Variants in ADGRB3 observed in about 807,000 individuals in gnomAD.
ADGRB3 encodes adhesion G protein-coupled receptor B3.
Under a neutral mutation model 193.4 loss-of-function variants are expected in ADGRB3, and 37 were observed. That is an observed-to-expected ratio of 0.19 (90% confidence interval 0.15 to 0.25). The LOEUF (loss-of-function observed/expected upper bound fraction) is 0.25. ADGRB3 is among the 10% of genes least tolerant of loss of function. The probability of loss-of-function intolerance (pLI) is 1.00; values close to 1 mark genes in which losing one functional copy is unlikely to be tolerated. For missense variants in ADGRB3, 1,637 were observed against 1,852.9 expected (o/e 0.88, Z 2.14); for synonymous variants, 690 against 644.2 (o/e 1.07, Z -1.08).
At chr6:68,989,854 T>A (rs1379910021) in intron 10 of ADGRB3, among the ~76,000 whole-genome samples, 1 of 152,124 alleles carries the variant, frequency 6.6e-6, no homozygotes, top group East Asian at 1.9e-4. Context: ...CCTCTGATAT[T>A]GATTTTGAAG....
intron 17 of ADGRB3, among the ~76,000 whole-genome samples, chr6:69,185,494 G>A (rs1219627833): frequency 1.3e-5 from 2 of 152,056 alleles, no homozygotes; most frequent in East Asian, 1.9e-4. Context: ...ATGGCGTATT[G>A]GTACAAGTAT....
intron 20 of ADGRB3, among the ~76,000 whole-genome samples, chr6:69,322,406 T>A (rs1303209865): frequency 6.6e-6 from 1 of 151,896 alleles, no homozygotes; most frequent in Admixed American, 6.6e-5. Flanking sequence ...ATTTCTGTCT[T>A]TAGGTCTCTG....
At chr6:68,748,291 T>C (rs1766124889) in intron 3 of ADGRB3, among the ~76,000 whole-genome samples, 1 of 152,168 alleles carries the variant, frequency 6.6e-6, no homozygotes, top group Non-Finnish European at 1.5e-5. Flanking sequence ...CAAAGTCTCA[T>C]CTGAGACAAG....
intron 10 of ADGRB3, among the ~76,000 whole-genome samples, chr6:68,987,847 G>A (rs1440098607): frequency 1.3e-5 from 2 of 152,044 alleles, no homozygotes; most frequent in African/African-American, 4.8e-5. Flanking sequence ...ATAAATGATT[G>A]TTGTTATTAT....
chr6:69,306,481 T>C (rs1362270846), intron 20 of ADGRB3, among the ~76,000 whole-genome samples: 2 of 151,314 alleles, frequency 1.3e-5, no homozygotes, highest in Non-Finnish European at 2.9e-5. Context: ...CAATAACACA[T>C]AGAGAAATAA....
At chr6:69,269,379 T>TAA (rs945578015) in intron 20 of ADGRB3, among the ~76,000 whole-genome samples, 1 of 151,610 alleles carries the variant, frequency 6.6e-6, no homozygotes, top group Non-Finnish European at 1.5e-5. Flanking sequence ...GTGTCCAATG[T>TAA]AAAAAAAAAT....
Position 69,304,946 on chromosome 6 carries a change from A to C in ADGRB3, c.2815-19926A>C, listed in dbSNP as rs796779621. On this transcript the variant is annotated intron_variant, in intron 20 of 31. Transcript: ENST00000370598. ...TTTTCAAACATTTAGGATGAAGTTT[A>C]GAGTCATATAAGAATATGGACTAAG... 5.9e-5 allele frequency among the ~76,000 whole-genome samples: 9 copies of C among 151,742 alleles called. 1 individual carries two copies. The highest frequency in any genetic ancestry group is 2.2e-4 in the African/African-American group (9 of 41,256).
At chr6:69,079,761 A>G (rs1469816366) in intron 17 of ADGRB3, among the ~76,000 whole-genome samples, 1 of 152,038 alleles carries the variant, frequency 6.6e-6, no homozygotes, top group Non-Finnish European at 1.5e-5. Flanking sequence ...TGGAAAACCT[A>G]TAATCCCTCC....
At chr6:69,102,157 G>A (rs1337486485) in intron 17 of ADGRB3, among the ~76,000 whole-genome samples, 2 of 132,040 alleles carry the variant, frequency 1.5e-5, no homozygotes, top group Admixed American at 8.8e-5. Context: ...CAGCCTGGGC[G>A]ACAGAGCGAG....
At chr6:68,637,339 G>A (rs539830605) in intron 1 of ADGRB3, 52 bp from the exon 2 acceptor site, 4 of 152,714 alleles carry the variant, frequency 2.6e-5, no homozygotes, top group African/African-American at 9.6e-5. Context: ...CCAGGCAAAG[G>A]CATGAAAACT....
chr6:69,230,354 T>C (rs1408255663), intron 17 of ADGRB3, among the ~76,000 whole-genome samples: 6 of 152,154 alleles, frequency 3.9e-5, no homozygotes, highest in African/African-American at 7.2e-5. Context: ...AACTGTGACA[T>C]TGGAAGAATA....
chr6:68,794,967 T>C (rs902965221), intron 3 of ADGRB3, among the ~76,000 whole-genome samples: 6 of 152,118 alleles, frequency 3.9e-5, no homozygotes, highest in African/African-American at 1.4e-4. Context: ...AGAAGTTCTA[T>C]ATAAATTTTT....
intron 3 of ADGRB3, among the ~76,000 whole-genome samples, chr6:68,684,411 A>G (rs573729896): frequency 1.3e-5 from 2 of 152,150 alleles, no homozygotes; most frequent in Non-Finnish European, 1.5e-5. Flanking sequence ...CCATCTTTTT[A>G]TAATAATCTT....
intron 17 of ADGRB3, among the ~76,000 whole-genome samples, chr6:69,216,742 G>C (rs1236156048): frequency 1.3e-5 from 2 of 152,228 alleles, no homozygotes; most frequent in Non-Finnish European, 2.9e-5. Context: ...TAACCAGAAA[G>C]AGGCTGACCA....
At chr6:69,338,839 C>A in intron 24 of ADGRB3, 77 bp from the exon 25 acceptor site, 2 of 1,246,260 alleles carry the variant, frequency 1.6e-6, no homozygotes, top group Non-Finnish European at 2.3e-6. Flanking sequence ...TATTTAAAAG[C>A]TAACTTGAAG....
intron 19 of ADGRB3, 141 bp downstream of exon 19, chr6:69,235,276 A>G: frequency 1.4e-6 from 1 of 695,072 alleles, no homozygotes. Flanking sequence ...AATTGGTGTG[A>G]TTGAGCTTTA....
At chr6:69,101,130 T>A in intron 17 of ADGRB3, among the ~76,000 whole-genome samples, 1 of 151,926 alleles carries the variant, frequency 6.6e-6, no homozygotes, top group Non-Finnish European at 1.5e-5. Flanking sequence ...ACCTTACCAC[T>A]CTTTAGTGGT....
chr6:68,995,186 A>G (rs952566289), intron 11 of ADGRB3, among the ~76,000 whole-genome samples: 2 of 152,160 alleles, frequency 1.3e-5, no homozygotes, highest in Non-Finnish European at 1.5e-5. Context: ...AAGATGAAAC[A>G]CTTTTTTTCC....
chr6:68,719,700 T>C (rs1272918958), intron 3 of ADGRB3, among the ~76,000 whole-genome samples: 1 of 151,742 alleles, frequency 6.6e-6, no homozygotes, highest in Non-Finnish European at 1.5e-5. Flanking sequence ...TATTTTCTTT[T>C]TTTTTCTTTT....
Sources: gnomAD v4.1 joint callset for allele counts (sites outside exome capture counted in the v4.1 genomes callset) on GRCh38, gnomAD v4.1.1 for gene constraint, MANE v1.5 for transcripts, NCBI Gene and HGNC (gene_info 2026-07-23, HGNC 2026-07-21) for gene names.